INSC: variants seen among roughly 807,000 people sequenced by gnomAD.
INSC encodes protein inscuteable homolog.
Under a neutral mutation model 58.6 loss-of-function variants are expected in INSC, and 67 were observed. The observed-to-expected ratio is 1.14, with a 90% CI of 0.94 to 1.40. INSC has a LOEUF of 1.40. Among genes scored for constraint, INSC ranks in the 40% most tolerant of loss-of-function variants. INSC has a pLI of 0.00. For missense variants in INSC, 714 were observed against 692.0 expected (o/e 1.03, Z -0.36); for synonymous variants, 262 against 276.1 (o/e 0.95, Z 0.51).
chr11:15,262,468 T>C, the INSC span, among the ~76,000 whole-genome samples: 1 of 152,010 alleles, frequency 6.6e-6, no homozygotes, highest in South Asian at 2.1e-4. Flanking sequence ...CAGCAAAAAG[T>C]TGGAGCTCTA....
At position 15,246,216 on chromosome 11, in the gene INSC, T is replaced by C. The variant is rs1313888635; in HGVS notation, c.*176T>C. On this transcript the variant is annotated 3_prime_UTR_variant, in exon 13 of 13. Coordinates refer to ENST00000379556, the MANE Select transcript of INSC (RefSeq NM_001042536.3). ...AGCAACATCATCAAACAGTCTTTGG[T>C]CCTTGAGAATCTTCTTTGTGTTTTA... 1 of 553,356 alleles carries C rather than the reference T, an allele frequency of 1.8e-6. No homozygotes were observed. Among genetic ancestry groups the C allele is most frequent in the East Asian group, 3.1e-5 (1 of 32,756 alleles). The allele number at this position is 553,356 out of a possible 1,614,324, so 34.3% of individuals were successfully genotyped here. A position where few individuals can be genotyped will look rare whatever the true frequency, so the allele number is the denominator to read the frequency against.
the INSC span, among the ~76,000 whole-genome samples, chr11:15,265,717 T>A: frequency 6.6e-6 from 1 of 151,834 alleles, no homozygotes; most frequent in African/African-American, 2.4e-5. Context: ...AAAGTACTAA[T>A]TCTTGGTTTT....
the INSC span, among the ~76,000 whole-genome samples, chr11:15,269,527 T>G: frequency 2.7e-5 from 4 of 147,224 alleles, no homozygotes; most frequent in Admixed American, 6.8e-5. Flanking sequence ...TTCCTGATGG[T>G]TTTTTTTTTG....
chr11:15,114,821 G>T, upstream of INSC: 1 of 478,898 alleles, frequency 2.1e-6, no homozygotes, highest in Non-Finnish European at 2.7e-6. Flanking sequence ...GAAGGTCCTT[G>T]GGAGGCTGCG....
chr11:15,167,359 G>A (rs970793805), intron 2 of INSC, among the ~76,000 whole-genome samples: 10 of 152,180 alleles, frequency 6.6e-5, no homozygotes, highest in South Asian at 2.1e-4. Flanking sequence ...AAGGATTCCC[G>A]CACTTACTAA....
intron 5 of INSC, among the ~76,000 whole-genome samples, chr11:15,183,049 T>A (rs1849833758): frequency 1.3e-5 from 2 of 152,218 alleles, no homozygotes; most frequent in South Asian, 4.1e-4. Context: ...AGTATGCCAT[T>A]AGAAATTGTG....
chr11:15,188,872 G>A (rs557051463), intron 5 of INSC, among the ~76,000 whole-genome samples: 9 of 152,292 alleles, frequency 5.9e-5, no homozygotes, highest in African/African-American at 1.2e-4. Context: ...GTGAGCATTA[G>A]TATCACATGT....
intron 1 of INSC, among the ~76,000 whole-genome samples, chr11:15,131,778 G>A (rs562911043): frequency 6.6e-5 from 10 of 152,178 alleles, no homozygotes; most frequent in African/African-American, 2.4e-4. Flanking sequence ...CTTTAGGTAA[G>A]TATTTTTATG....
chr11:15,120,224 C>G (rs1564855840), intron 1 of INSC, among the ~76,000 whole-genome samples: 2 of 152,336 alleles, frequency 1.3e-5, no homozygotes, highest in East Asian at 1.9e-4. Flanking sequence ...TTTATTCATG[C>G]CTCAGTATTA....
intron 2 of INSC, among the ~76,000 whole-genome samples, chr11:15,153,959 C>A (rs1714349): frequency 2.0e-5 from 3 of 152,060 alleles, no homozygotes; most frequent in Non-Finnish European, 2.9e-5. Context: ...CTCTGTGTCC[C>A]CACTTTAGTG....
intron 8 of INSC, among the ~76,000 whole-genome samples, chr11:15,224,843 C>G (rs933325895): frequency 6.6e-6 from 1 of 152,174 alleles, no homozygotes; most frequent in Admixed American, 6.5e-5. Flanking sequence ...TAGGGCTAAG[C>G]TAGGACCACT....
intron 9 of INSC, chr11:15,235,274 G>T: frequency 5.5e-6 from 2 of 365,540 alleles, no homozygotes; most frequent in East Asian, 5.7e-5. Context: ...GGTTCTGTCT[G>T]CATTTCAGGA....
chr11:15,176,089 C>A lies in INSC; in HGVS notation c.402+3C>A. 6.6e-7 allele frequency: 1 copy of A among 1,508,174 alleles called. No individual in the cohort carries two copies. The highest frequency in any genetic ancestry group is 1.3e-5 in the South Asian group (1 of 78,306). The allele number at this position is 1,508,174 out of a possible 1,614,324, so 93.4% of individuals were successfully genotyped here. ...ACTCCTTGAAGGAAATGGGCGAGGT[C>A]AGCTGCCCTGGGATAGGAGTGGGCG... On this transcript the variant is annotated splice_donor_region_variant and intron_variant, in intron 3 of 12. Coordinates refer to ENST00000379556, the MANE Select transcript of INSC (RefSeq NM_001042536.3).
At chr11:15,244,450 C>T (rs1441247377) in intron 12 of INSC, among the ~76,000 whole-genome samples, 4 of 152,160 alleles carry the variant, frequency 2.6e-5, no homozygotes, top group Non-Finnish European at 4.4e-5. Context: ...TCAAACTATC[C>T]TCTCTTTTCA....
At chr11:15,159,296 C>G (rs1300663776) in intron 2 of INSC, among the ~76,000 whole-genome samples, 1 of 152,122 alleles carries the variant, frequency 6.6e-6, no homozygotes, top group African/African-American at 2.4e-5. Flanking sequence ...CTCTTGGAAA[C>G]CCTCTAGTGG....
At chr11:15,127,119 C>T (rs775041351) in intron 1 of INSC, among the ~76,000 whole-genome samples, 8 of 152,104 alleles carry the variant, frequency 5.3e-5, no homozygotes, top group Non-Finnish European at 1.2e-4. Flanking sequence ...AAGCCCCTGC[C>T]CAGCTGGAGA....
downstream of INSC, among the ~76,000 whole-genome samples, chr11:15,247,504 G>A (rs1048673925): frequency 3.0e-4 from 45 of 151,998 alleles, no homozygotes; most frequent in African/African-American, 9.6e-4. Flanking sequence ...TTATTATTAC[G>A]ATAGAAAACA....
At chr11:15,264,126 G>GTAGCCTTAAT in the INSC span, among the ~76,000 whole-genome samples, 19 of 100,876 alleles carry the variant, frequency 1.9e-4, no homozygotes, top group Non-Finnish European at 3.7e-4. Flanking sequence ...ACATCTACCA[G>GTAGCCTTAAT]TAGCCTTAAT....
the INSC span, among the ~76,000 whole-genome samples, chr11:15,269,629 T>C: frequency 6.6e-6 from 1 of 151,104 alleles, no homozygotes; most frequent in Admixed American, 6.6e-5. Context: ...CTGAACTAGG[T>C]AAGTGAGATC....
Sources: allele counts gnomAD v4.1 joint callset (sites outside exome capture counted in the v4.1 genomes callset), GRCh38; gene constraint gnomAD v4.1.1; transcripts MANE v1.5; gene names NCBI Gene and HGNC (gene_info 2026-07-23, HGNC 2026-07-21).